The following POLR3A variants were observed in gnomAD, a reference collection of about 807,000 sequenced individuals.
POLR3A encodes DNA-directed RNA polymerase III subunit RPC1.
A neutral mutation model predicts 152.8 loss-of-function variants in POLR3A; 112 were observed. The observed-to-expected ratio is 0.73, with a 90% CI of 0.63 to 0.86. POLR3A has a LOEUF of 0.86. Among genes scored for constraint, POLR3A ranks in the 40% least tolerant of loss-of-function variants. The pLI, the probability that POLR3A is intolerant of heterozygous loss-of-function variation, is 0.00. For missense variants in POLR3A, 1,385 were observed against 1,743.1 expected (o/e 0.79, Z 3.66); for synonymous variants, 615 against 652.1 (o/e 0.94, Z 0.87).
Position 78,021,990 on chromosome 10 carries a change from G to T in POLR3A, c.918C>A (p.Ile306=). Residue 306 remains isoleucine, a synonymous_variant, in exon 7 of 31, where the codon ATC becomes ATA. Transcript: ENST00000372371. Reference sequence around the variant, plus strand: ...GCTGCAGGAAATCCCAGTCCTCCATGATCATCTGGGTCTTGGCTCCTGAGA... The same window carrying T: ...GCTGCAGGAAATCCCAGTCCTCCATTATCATCTGGGTCTTGGCTCCTGAGA... ...HRISGAKTQM[I]MEDWDFLQLQ... 1 of 1,614,178 alleles carries T rather than the reference G, an allele frequency of 6.2e-7. No individual in the cohort carries two copies. Among genetic ancestry groups the T allele is most frequent in the South Asian group, 1.1e-5 (1 of 91,062 alleles).
At chr10:78,007,549 A>AGG (rs1847422657) in intron 15 of POLR3A, among the ~76,000 whole-genome samples, 153 bp downstream of exon 15, 1 of 152,234 alleles carries the variant, frequency 6.6e-6, no homozygotes. Context: ...TTTAATTAAT[A>AGG]ACAGCACACA....
chr10:77,987,671 C>G (rs1340083139), intron 21 of POLR3A, among the ~76,000 whole-genome samples: 1 of 152,190 alleles, frequency 6.6e-6, no homozygotes, highest in Admixed American at 6.5e-5. Context: ...TAGCCCCATT[C>G]TATCCTAACC....
rs1847096059 is a variant in POLR3A, at chr10:77,977,081, T to G, written c.*397A>C. Reference sequence around the variant, plus strand: ...ATCCAAGAATGTGCCCTGGCCTGTGTGGGGCTCAGGCCTGGCTCATCGTCA... The same window carrying G: ...ATCCAAGAATGTGCCCTGGCCTGTGGGGGGCTCAGGCCTGGCTCATCGTCA... On this transcript the variant is annotated 3_prime_UTR_variant, in exon 31 of 31. Coordinates refer to ENST00000372371, the MANE Select transcript of POLR3A (RefSeq NM_007055.4). The G allele has an allele frequency of 4.1e-6, 1 of 246,636 alleles. No homozygotes were observed. The highest frequency in any genetic ancestry group is 2.2e-5 in the African/African-American group (1 of 45,134). The allele number at this position is 246,636 out of a possible 1,614,324, so 15.3% of individuals were successfully genotyped here. A position where few individuals can be genotyped will look rare whatever the true frequency, so the allele number is the denominator to read the frequency against.
At chr10:78,016,893 C>A (rs887356105) in intron 10 of POLR3A, among the ~76,000 whole-genome samples, 6 of 150,742 alleles carry the variant, frequency 4.0e-5, no homozygotes, top group Non-Finnish European at 7.4e-5. Flanking sequence ...AAAAAAAATC[C>A]ATTTTCTGCC....
In POLR3A at chr10:77,975,345, A is replaced by G. The variant is rs372763724; in HGVS notation, c.*2133T>C. 3 of 152,340 alleles carry G rather than the reference A, an allele frequency of 2.0e-5. No homozygotes were observed. The East Asian group carries it at 5.8e-4, about 29-fold the overall frequency. The allele number at this position is 152,340 out of a possible 1,614,324, so 9.4% of individuals were successfully genotyped here. A position where few individuals can be genotyped will look rare whatever the true frequency, so the allele number is the denominator to read the frequency against. On this transcript the variant is annotated 3_prime_UTR_variant, in exon 31 of 31. Transcript: ENST00000372371. ...ACACCAGTCATGGGACACAGTGGGGAGCACAAACAGTAGGGTTTACCAGGC... is the reference window on the plus strand; with the variant it reads ...ACACCAGTCATGGGACACAGTGGGGGGCACAAACAGTAGGGTTTACCAGGC...
chr10:77,999,688 T>C (rs1847336868), intron 19 of POLR3A, among the ~76,000 whole-genome samples: 1 of 152,202 alleles, frequency 6.6e-6, no homozygotes, highest in Non-Finnish European at 1.5e-5. Context: ...AAGCGAGGCT[T>C]AGTGAGGTTG....
rs192102097 is a variant in POLR3A, at chr10:77,985,938, T to C, written c.3036A>G (p.Glu1012=). The change falls in exon 23 of 31, where the codon GAA becomes GAG. Residue 1012 remains glutamate, a synonymous_variant. Coordinates refer to ENST00000372371, the MANE Select transcript of POLR3A (RefSeq NM_007055.4). ...QLDRITPTQV[E]KFLETCRDKY... Reference sequence around the variant, plus strand: ...TGTCCCTACAGGTCTCCAGAAACTTTTCTACTTGGGTGGGGGTGATGCGGT... The same window carrying C: ...TGTCCCTACAGGTCTCCAGAAACTTCTCTACTTGGGTGGGGGTGATGCGGT... 2.3e-4 allele frequency: 371 copies of C among 1,614,144 alleles called. 3 individuals are homozygous for C. In the East Asian group the frequency reaches 7.2e-3, roughly 31 times the overall value.
chr10:78,014,254 T>C (rs899235406), intron 10 of POLR3A, among the ~76,000 whole-genome samples: 3 of 151,960 alleles, frequency 2.0e-5, no homozygotes, highest in Non-Finnish European at 4.4e-5. Context: ...AGGCTCCCAC[T>C]GGCCAAGGAT....
intron 26 of POLR3A, among the ~76,000 whole-genome samples, chr10:77,983,301 C>T (rs1257695482): frequency 6.6e-6 from 1 of 152,206 alleles, no homozygotes; most frequent in Non-Finnish European, 1.5e-5. Flanking sequence ...GCATTTGAGT[C>T]AACTGTTATA....
intron 15 of POLR3A, 53 bp from the exon 16 acceptor site, chr10:78,004,941 C>A: frequency 7.2e-7 from 1 of 1,384,528 alleles, no homozygotes; most frequent in Non-Finnish European, 1.0e-6. Context: ...CTCAGCAAAC[C>A]TACTAAATAC....
At chr10:77,980,311 C>A in intron 29 of POLR3A, 38 bp from the exon 30 acceptor site, 1 of 1,610,630 alleles carries the variant, frequency 6.2e-7, no homozygotes, top group Non-Finnish European at 8.5e-7. Flanking sequence ...GGTACTCACA[C>A]CAATGGCAAA....
chr10:77,985,193 G>GT lies in POLR3A; in HGVS notation c.3218_3219insA (p.Ile1074HisfsTer20). 6.2e-7 allele frequency: 1 copy of GT among 1,614,112 alleles called. No individual in the cohort carries two copies. The highest frequency in any genetic ancestry group is 8.5e-7 in the Non-Finnish European group (1 of 1,179,948). Reference sequence around the variant, plus strand: ...ACCTGATGGCCTTGGAAGCGTTGATGATCTCTTTAATCCGGGGCACGCCCA... The same window carrying GT: ...ACCTGATGGCCTTGGAAGCGTTGATGTATCTCTTTAATCCGGGGCACGCCCA... On this transcript the variant is annotated frameshift_variant, in exon 24 of 31. Coordinates refer to ENST00000372371, the MANE Select transcript of POLR3A (RefSeq NM_007055.4). LOFTEE classifies it high-confidence loss of function.
chr10:78,025,791 C>T (rs1181721257), intron 2 of POLR3A, 32 bp from the exon 3 acceptor site: 2 of 1,610,400 alleles, frequency 1.2e-6, no homozygotes, highest in Admixed American at 1.7e-5. Flanking sequence ...ATGATCAACA[C>T]AGACTGCTGG....
In POLR3A at chr10:77,980,964, G is replaced by C. The variant is rs552447494; in HGVS notation, c.3891+464C>G. Among the ~76,000 whole-genome samples the C allele has an allele frequency of 3.3e-5, 5 of 151,170 alleles. No homozygotes were observed. The South Asian group carries it at 1.0e-3, about 32-fold the overall frequency. On this transcript the variant is annotated intron_variant, in intron 29 of 30. Coordinates refer to ENST00000372371, the MANE Select transcript of POLR3A (RefSeq NM_007055.4). ...AGGGAAATACGTTTTTTTTGGAAAA[G>C]AGAGAAAAAAAAAATCAAACCAACC...
At chr10:77,983,694 C>T (rs1455435105) in intron 26 of POLR3A, among the ~76,000 whole-genome samples, 2 of 152,160 alleles carry the variant, frequency 1.3e-5, no homozygotes, top group Admixed American at 6.5e-5. Context: ...TTGCGGTCTG[C>T]ACAAAATTTC....
At position 77,980,144 on chromosome 10, in the gene POLR3A, A is replaced by C. The variant is rs1363819534; in HGVS notation, c.4021T>G (p.Cys1341Gly). The change falls in exon 30 of 31, where the codon TGT becomes GGT. Residue 1341 changes from cysteine to glycine, a missense_variant. By Grantham distance (159) the Cys-to-Gly change is radical. This residue lies in a region of POLR3A where 332 missense variants were observed against 400.1 expected (regional missense o/e 0.83). Coordinates refer to ENST00000372371, the MANE Select transcript of POLR3A (RefSeq NM_007055.4). ...TTCATAGAAACATCAAACCTACCAC[A>C]CACAGAGTCCTTCTGCCCGAAGTAG... ...AAYFGQKDSV[C>G]GVSECIIMGI... 1 of 1,613,894 alleles carries C rather than the reference A, an allele frequency of 6.2e-7. No individual in the cohort carries two copies. The highest frequency in any genetic ancestry group is 8.5e-7 in the Non-Finnish European group (1 of 1,179,856).
chr10:78,005,497 T>C (rs916009653), intron 15 of POLR3A, among the ~76,000 whole-genome samples: 4 of 152,214 alleles, frequency 2.6e-5, no homozygotes, highest in African/African-American at 9.6e-5. Flanking sequence ...GTGCCACCAT[T>C]GATCCTAGCC....
intron 26 of POLR3A, 116 bp from the exon 27 acceptor site, chr10:77,982,933 C>T (rs527478358): frequency 2.5e-4 from 208 of 818,620 alleles, no homozygotes; most frequent in Non-Finnish European, 3.5e-4. Context: ...CCCCCACCCG[C>T]ACCATGAAAT....
intron 5 of POLR3A, among the ~76,000 whole-genome samples, chr10:78,022,772 T>C (rs898460924): frequency 1.3e-5 from 2 of 152,154 alleles, no homozygotes; most frequent in Admixed American, 1.3e-4. Context: ...AAAATCACGG[T>C]ATATCCCTAT....
Sources: allele counts gnomAD v4.1 joint callset (sites outside exome capture counted in the v4.1 genomes callset), GRCh38; gene constraint gnomAD v4.1.1; regional missense constraint gnomAD v4.1.1; transcripts MANE v1.5; gene names NCBI Gene and HGNC (gene_info 2026-07-23, HGNC 2026-07-21).